DNAH11: variants seen among roughly 807,000 people sequenced by gnomAD.
DNAH11 encodes the protein axonemal beta dynein heavy chain 11.
Under a neutral mutation model 526.0 loss-of-function variants are expected in DNAH11, and 442 were observed. The ratio of observed to expected loss-of-function variants is 0.84; its 90% CI spans 0.78 to 0.91. The LOEUF (loss-of-function observed/expected upper bound fraction) is 0.91. DNAH11 is among the 40% of genes least tolerant of loss of function. The probability of loss-of-function intolerance (pLI) is 0.00; values close to 1 mark genes in which losing one functional copy is unlikely to be tolerated. For missense variants in DNAH11, 6,989 were observed against 5,448.7 expected (o/e 1.28, Z -8.90); for synonymous variants, 2,461 against 1,935.9 (o/e 1.27, Z -7.12).
At chr7:21,877,604 G>A (rs1407151694) in intron 74 of DNAH11, among the ~76,000 whole-genome samples, 4 of 152,092 alleles carry the variant, frequency 2.6e-5, no homozygotes, top group African/African-American at 4.8e-5. Flanking sequence ...GGCTAGGCAC[G>A]GTGGCTCACG....
Position 21,576,485 on chromosome 7 carries a change from A to T in DNAH11, c.1593+4512A>T, listed in dbSNP as rs151247982. Among the ~76,000 whole-genome samples the T allele has an allele frequency of 1.3e-3, 200 of 152,342 alleles. 1 individual carries two copies. The highest frequency in any genetic ancestry group is 4.5e-3 in the African/African-American group (189 of 41,572). On this transcript the variant is annotated intron_variant, in intron 8 of 81. Coordinates refer to ENST00000409508, the MANE Select transcript of DNAH11 (RefSeq NM_001277115.2). ...ACTCTCTTGAAAGATGTAAACTCTGATAGAGGGTATGGATAATATGTTTGA... is the reference window on the plus strand; with the variant it reads ...ACTCTCTTGAAAGATGTAAACTCTGTTAGAGGGTATGGATAATATGTTTGA...
intron 68 of DNAH11, among the ~76,000 whole-genome samples, chr7:21,856,413 A>G (rs568907687): frequency 6.6e-6 from 1 of 152,328 alleles, no homozygotes; most frequent in African/African-American, 2.4e-5. Context: ...AACTTCTAAC[A>G]AGCACAGTGT....
chr7:21,862,684 G>A (rs1176712969), intron 69 of DNAH11, among the ~76,000 whole-genome samples: 1 of 152,146 alleles, frequency 6.6e-6, no homozygotes, highest in African/African-American at 2.4e-5. Flanking sequence ...GCAGTGACTA[G>A]GTAAAGAGAG....
At chr7:21,563,879 C>T (rs1783559641) in intron 5 of DNAH11, among the ~76,000 whole-genome samples, 1 of 152,064 alleles carries the variant, frequency 6.6e-6, no homozygotes, top group South Asian at 2.1e-4. Flanking sequence ...CGACAGTTTC[C>T]ACAGGGTTGA....
At chr7:21,821,542 G>C (rs1790050708) in intron 65 of DNAH11, among the ~76,000 whole-genome samples, 1 of 152,064 alleles carries the variant, frequency 6.6e-6, no homozygotes, top group African/African-American at 2.4e-5. Flanking sequence ...TGAAAACCTA[G>C]TTTCTTAAAC....
chr7:21,783,692 G>A (rs1325970373), intron 57 of DNAH11, among the ~76,000 whole-genome samples: 1 of 147,984 alleles, frequency 6.8e-6, no homozygotes, highest in Non-Finnish European at 1.5e-5. Flanking sequence ...TTACCAGCAT[G>A]ACTTTCCTCT....
intron 32 of DNAH11, among the ~76,000 whole-genome samples, chr7:21,684,785 C>A (rs150774861): frequency 1.8e-4 from 27 of 152,334 alleles, no homozygotes; most frequent in Non-Finnish European, 3.5e-4. Flanking sequence ...CATACCTAGT[C>A]AGAATATTGC....
At chr7:21,683,645 TTA>T (rs1161306263) in intron 31 of DNAH11, 137 bp from the exon 32 acceptor site, 6 of 856,538 alleles carry the variant, frequency 7.0e-6, no homozygotes, top group Non-Finnish European at 1.0e-5. Flanking sequence ...GTATATGCTA[TTA>T]TAATTTGCAA....
At chr7:21,621,721 C>A (rs1486101357) in intron 25 of DNAH11, among the ~76,000 whole-genome samples, 7 of 151,952 alleles carry the variant, frequency 4.6e-5, no homozygotes, top group Admixed American at 2.0e-4. Context: ...AAGACAAAAA[C>A]CACATGATTA....
intron 50 of DNAH11, 85 bp downstream of exon 50, chr7:21,744,684 G>C (rs1368949299): frequency 6.5e-7 from 1 of 1,538,088 alleles, no homozygotes; most frequent in South Asian, 1.2e-5. Flanking sequence ...TATGAGAGAA[G>C]TGCACAAGGG....
intron 9 of DNAH11, among the ~76,000 whole-genome samples, chr7:21,584,784 A>G (rs576995413): frequency 5.3e-4 from 80 of 152,284 alleles, no homozygotes; most frequent in South Asian, 3.5e-3. Flanking sequence ...GACAAAAATG[A>G]CATTATATTT....
At position 21,723,327 on chromosome 7, in the gene DNAH11, G is replaced by C. The variant is rs116510983; in HGVS notation, c.7266+2471G>C. On this transcript the variant is annotated intron_variant, in intron 44 of 81. Coordinates refer to ENST00000409508, the MANE Select transcript of DNAH11 (RefSeq NM_001277115.2). ...GAAGCTTAGAAAGGTATTTTAATCTGCTTCCAGGCACAAAGCTAACCCATG... is the reference window on the plus strand; with the variant it reads ...GAAGCTTAGAAAGGTATTTTAATCTCCTTCCAGGCACAAAGCTAACCCATG... Among the ~76,000 whole-genome samples the C allele has an allele frequency of 1.9e-3, 288 of 152,294 alleles. 1 individual carries two copies. The highest frequency in any genetic ancestry group is 6.6e-3 in the African/African-American group (274 of 41,562).
At position 21,544,996 on chromosome 7, in the gene DNAH11, CTTGT is replaced by C; in HGVS notation, c.352-7_352-4del. ...AACTACTTGAACTAATTATCTTGCT[CTTGT>C]TTTAGATTCCAAGAGATGCAAACCA... On this transcript the variant is annotated splice_region_variant and splice_polypyrimidine_tract_variant and intron_variant, in intron 1 of 81. Coordinates refer to ENST00000409508, the MANE Select transcript of DNAH11 (RefSeq NM_001277115.2). 5 of 1,566,182 alleles carry C rather than the reference CTTGT, an allele frequency of 3.2e-6. No individual in the cohort carries two copies. Among genetic ancestry groups the C allele is most frequent in the Non-Finnish European group, 4.3e-6 (5 of 1,155,610 alleles).
chr7:21,704,716 C>G, intron 38 of DNAH11, 88 bp downstream of exon 38: 1 of 1,411,480 alleles, frequency 7.1e-7, no homozygotes, highest in Non-Finnish European at 9.5e-7. Flanking sequence ...AAGATGTTAA[C>G]TTGTACCCTA....
At chr7:21,616,152 C>G in intron 21 of DNAH11, 57 bp from the exon 22 acceptor site, 2 of 1,317,058 alleles carry the variant, frequency 1.5e-6, no homozygotes, top group Non-Finnish European at 2.2e-6. Context: ...TATTTTGCTG[C>G]AGAGACTTGC....
At chr7:21,648,225 A>C (rs964019147) in intron 28 of DNAH11, among the ~76,000 whole-genome samples, 2 of 152,252 alleles carry the variant, frequency 1.3e-5, no homozygotes, top group Admixed American at 6.5e-5. Flanking sequence ...AACAAAGTGC[A>C]TAAAGAACCA....
intron 2 of DNAH11, among the ~76,000 whole-genome samples, chr7:21,551,766 A>G (rs6946870): frequency 1.3e-5 from 2 of 152,178 alleles, no homozygotes; most frequent in Non-Finnish European, 2.9e-5. Context: ...TTGGTATTCT[A>G]TGATATCTAA....
At chr7:21,662,927 C>A (rs908612696) in intron 30 of DNAH11, among the ~76,000 whole-genome samples, 4 of 152,044 alleles carry the variant, frequency 2.6e-5, no homozygotes, top group African/African-American at 9.7e-5. Flanking sequence ...GGGTATCTTT[C>A]ATCTGAACAA....
Position 21,588,202 on chromosome 7 carries a change from G to T in DNAH11, c.1848+1G>T. 6.2e-7 allele frequency: 1 copy of T among 1,609,818 alleles called. No individual in the cohort carries two copies. ...ACTGTATAATGAACACATGAAACAG[G>T]TAAGTGGTGGATAAGGTTGGACACA... On this transcript the variant is annotated splice_donor_variant, in intron 10 of 81. Coordinates refer to ENST00000409508, the MANE Select transcript of DNAH11 (RefSeq NM_001277115.2). LOFTEE classifies it high-confidence loss of function.
Sources: gnomAD v4.1 joint callset for allele counts (sites outside exome capture counted in the v4.1 genomes callset) on GRCh38, gnomAD v4.1.1 for gene constraint, MANE v1.5 for transcripts, NCBI Gene and HGNC (gene_info 2026-07-23, HGNC 2026-07-21) for gene names.